GXYLT1: variants seen among roughly 807,000 people sequenced by gnomAD.
GXYLT1 encodes glycosyltransferase 8 domain containing 3.
In GXYLT1, 29 loss-of-function variants were observed where a neutral mutation model predicts 54.0. That is an observed-to-expected ratio of 0.54 (90% CI 0.40 to 0.73). The LOEUF (loss-of-function observed/expected upper bound fraction) is 0.73. GXYLT1 is among the 30% of genes least tolerant of loss of function. The probability of loss-of-function intolerance (pLI) is 0.00; values close to 1 mark genes in which losing one functional copy is unlikely to be tolerated. For synonymous variants in GXYLT1, 176 were observed against 204.1 expected (o/e 0.86, Z 1.17); for missense variants, 490 against 553.4 (o/e 0.89, Z 1.15).
At position 42,086,531 on chromosome 12, in the gene GXYLT1, T is replaced by C. The variant is rs976349327; in HGVS notation, c.*1255A>G. On this transcript the variant is annotated 3_prime_UTR_variant, in exon 8 of 8. Coordinates refer to ENST00000398675, the MANE Select transcript of GXYLT1 (RefSeq NM_173601.2). ...ATAGATAATCATATTGTTGGTAAAA[T>C]AAGATATGTGCCCCAGCATAGTATA... 2 of 152,196 alleles carry C rather than the reference T, an allele frequency of 1.3e-5. No individual in the cohort carries two copies. The highest frequency in any genetic ancestry group is 4.8e-5 in the African/African-American group (2 of 41,462). The allele number at this position is 152,196 out of a possible 1,614,324, so 9.4% of individuals were successfully genotyped here. A position where few individuals can be genotyped will look rare whatever the true frequency, so the allele number is the denominator to read the frequency against.
chr12:42,112,251 A>T (rs531747241), intron 3 of GXYLT1, among the ~76,000 whole-genome samples: 3 of 152,352 alleles, frequency 2.0e-5, no homozygotes, highest in Non-Finnish European at 4.4e-5. Context: ...TCCTCCTCCA[A>T]AGGAATGCAG....
At chr12:42,111,244 A>T (rs895460271) in intron 3 of GXYLT1, among the ~76,000 whole-genome samples, 1 of 152,262 alleles carries the variant, frequency 6.6e-6, no homozygotes, top group African/African-American at 2.4e-5. Context: ...CAACTGAGGT[A>T]CCGGGTTCAT....
intron 7 of GXYLT1, among the ~76,000 whole-genome samples, chr12:42,092,274 T>G (rs2065333229): frequency 6.6e-6 from 1 of 152,244 alleles, no homozygotes; most frequent in African/African-American, 2.4e-5. Context: ...AGCACTCATA[T>G]TATTTGCTTT....
At chr12:42,093,171 C>A (rs918488061) in intron 7 of GXYLT1, among the ~76,000 whole-genome samples, 1 of 152,210 alleles carries the variant, frequency 6.6e-6, no homozygotes, top group African/African-American at 2.4e-5. Flanking sequence ...GATCCTGGCT[C>A]ACTGAAACCT....
chr12:42,132,763 T>C (rs948238026), intron 1 of GXYLT1, among the ~76,000 whole-genome samples: 1 of 151,916 alleles, frequency 6.6e-6, no homozygotes, highest in Non-Finnish European at 1.5e-5. Context: ...AAACTGTATT[T>C]GGGGGCAATG....
chr12:42,105,767 T>A (rs2065415626), intron 5 of GXYLT1, 51 bp downstream of exon 5: 1 of 1,472,868 alleles, frequency 6.8e-7, no homozygotes, highest in African/African-American at 1.4e-5. Flanking sequence ...TTAAAAACAA[T>A]TTAGAAGGTT....
intron 1 of GXYLT1, among the ~76,000 whole-genome samples, chr12:42,138,728 C>T (rs545077687): frequency 9.9e-5 from 15 of 152,232 alleles, no homozygotes; most frequent in Middle Eastern, 3.4e-3. Flanking sequence ...GATCTTACTG[C>T]TTTAAAATAA....
intron 7 of GXYLT1, among the ~76,000 whole-genome samples, chr12:42,094,690 T>G (rs1020741462): frequency 6.6e-6 from 1 of 151,794 alleles, no homozygotes; most frequent in Non-Finnish European, 1.5e-5. Flanking sequence ...ACTTATTACA[T>G]GAAAAATATT....
At chr12:42,140,498 T>A (rs1367805556) in intron 1 of GXYLT1, among the ~76,000 whole-genome samples, 1 of 152,238 alleles carries the variant, frequency 6.6e-6, no homozygotes, top group East Asian at 1.9e-4. Context: ...AGCTATTTAA[T>A]ATTTAATTTC....
intron 5 of GXYLT1, among the ~76,000 whole-genome samples, chr12:42,105,197 C>T (rs773969234): frequency 1.3e-5 from 2 of 152,178 alleles, no homozygotes; most frequent in Non-Finnish European, 2.9e-5. Context: ...TTAGTACATA[C>T]TGATGAAGTC....
chr12:42,086,374 C>T lies in GXYLT1; in HGVS notation c.*1412G>A, dbSNP rs897013987. The T allele has an allele frequency of 1.1e-4, 16 of 152,252 alleles. No individual in the cohort carries two copies. Among genetic ancestry groups the T allele is most frequent in the African/African-American group, 3.6e-4 (15 of 41,458 alleles). The allele number at this position is 152,252 out of a possible 1,614,324, so 9.4% of individuals were successfully genotyped here. On this transcript the variant is annotated 3_prime_UTR_variant, in exon 8 of 8. Coordinates refer to ENST00000398675, the MANE Select transcript of GXYLT1 (RefSeq NM_173601.2). ...ACTAACCATCTCTTTCTGCATATTCCATGTCTCCACAGAGGTCACTGTGTC... is the reference window on the plus strand; with the variant it reads ...ACTAACCATCTCTTTCTGCATATTCTATGTCTCCACAGAGGTCACTGTGTC...
chr12:42,114,995 T>A (rs2065484375), intron 3 of GXYLT1, among the ~76,000 whole-genome samples: 1 of 152,236 alleles, frequency 6.6e-6, no homozygotes, highest in Admixed American at 6.5e-5. Flanking sequence ...TCAATAAACG[T>A]AATCCAGCAT....
chr12:42,126,032 C>A (rs7135484), intron 2 of GXYLT1, among the ~76,000 whole-genome samples: 27,519 of 150,320 alleles, frequency 0.18, 2,821 homozygotes, highest in South Asian at 0.28. Context: ...CTCAAAAAAA[C>A]AAACAAACCA....
Position 42,128,599 on chromosome 12 carries a change from C to T in GXYLT1, c.314+1160G>A, listed in dbSNP as rs142551565. On this transcript the variant is annotated intron_variant, in intron 2 of 7. Transcript: ENST00000398675. ...TACTAGTGTGAAACTCCCATCAGAA[C>T]GTAAGCTCCAAAAGGATGGAGCCAC... Among the ~76,000 whole-genome samples, 323 of 152,272 alleles carry T rather than the reference C, an allele frequency of 2.1e-3. 4 individuals are homozygous for T. Among genetic ancestry groups the T allele is most frequent in the African/African-American group, 6.8e-3 (281 of 41,550 alleles).
intron 1 of GXYLT1, among the ~76,000 whole-genome samples, chr12:42,138,973 G>C (rs2065636627): frequency 6.6e-6 from 1 of 152,124 alleles, no homozygotes; most frequent in Non-Finnish European, 1.5e-5. Context: ...GGGAGGCGGA[G>C]GTTGCACTGA....
At chr12:42,137,200 T>A (rs944185783) in intron 1 of GXYLT1, among the ~76,000 whole-genome samples, 3 of 151,788 alleles carry the variant, frequency 2.0e-5, no homozygotes, top group Admixed American at 6.6e-5. Context: ...TGGTGAAACC[T>A]CATCTCTACT....
At chr12:42,105,764 C>T in intron 5 of GXYLT1, 54 bp downstream of exon 5, 1 of 1,454,076 alleles carries the variant, frequency 6.9e-7, no homozygotes, top group Non-Finnish European at 9.3e-7. Flanking sequence ...TTATTAAAAA[C>T]AATTTAGAAG....
At chr12:42,103,768 T>C (rs1218243020) in intron 5 of GXYLT1, among the ~76,000 whole-genome samples, 1 of 151,980 alleles carries the variant, frequency 6.6e-6, no homozygotes, top group Non-Finnish European at 1.5e-5. Flanking sequence ...CAACCAATCA[T>C]CTTGTGTTTT....
intron 3 of GXYLT1, among the ~76,000 whole-genome samples, chr12:42,113,400 A>G (rs56404347): frequency 0.026 from 3,864 of 151,140 alleles, 400 homozygotes; most frequent in African/African-American, 0.091. Flanking sequence ...TCACGGGCAG[A>G]GACACACATA....
Sources: allele counts gnomAD v4.1 joint callset (sites outside exome capture counted in the v4.1 genomes callset), GRCh38; gene constraint gnomAD v4.1.1; transcripts MANE v1.5; gene names NCBI Gene and HGNC (gene_info 2026-07-23, HGNC 2026-07-21).